The following ACACB variants were observed in gnomAD, a reference collection of about 807,000 sequenced individuals.
ACACB encodes the protein acetyl-CoA carboxylase 2.
A neutral mutation model predicts 278.8 loss-of-function variants in ACACB; 209 were observed. The observed-to-expected ratio is 0.75, with a 90% confidence interval of 0.67 to 0.84. The LOEUF (loss-of-function observed/expected upper bound fraction) is 0.84. Among genes scored for constraint, ACACB ranks in the 40% least tolerant of loss-of-function variants. ACACB has a pLI of 0.00. For synonymous variants in ACACB, 1,174 were observed against 1,285.6 expected (o/e 0.91, Z 1.86); for missense variants, 2,850 against 3,269.0 (o/e 0.87, Z 3.13).
At chr12:109,258,150 T>C (rs1482779689) in intron 45 of ACACB, 118 bp from the exon 46 acceptor site, 1 of 705,704 alleles carries the variant, frequency 1.4e-6, no homozygotes, top group Non-Finnish European at 2.3e-6. Context: ...TCCAATAAAA[T>C]AATCCGCCAG....
At chr12:109,221,329 G>A (rs1029116563) in intron 24 of ACACB, among the ~76,000 whole-genome samples, 1 of 152,190 alleles carries the variant, frequency 6.6e-6, no homozygotes, top group South Asian at 2.1e-4. Context: ...GTGGATGCCC[G>A]GGGTGGGGAA....
Position 109,172,915 on chromosome 12 carries a change from C to T in ACACB, c.1117+559C>T, listed in dbSNP as rs117815009. On this transcript the variant is annotated intron_variant, in intron 6 of 52. Coordinates refer to ENST00000338432, the MANE Select transcript of ACACB (RefSeq NM_001093.4). The stretch of plus-strand genomic sequence containing the variant: ...CACAGTAGCAAAGGCATGGAGTCAA[C>T]CTAAATGCCCATCAATAACAGATTG... 6.4e-3 allele frequency among the ~76,000 whole-genome samples: 970 copies of T among 152,276 alleles called. 7 individuals are homozygous for T. Among genetic ancestry groups the T allele is most frequent in the Admixed American group, 0.011 (167 of 15,286 alleles).
At chr12:109,178,643 C>T (rs1285293386) in intron 9 of ACACB, among the ~76,000 whole-genome samples, 4 of 152,178 alleles carry the variant, frequency 2.6e-5, no homozygotes, top group Non-Finnish European at 5.9e-5. Flanking sequence ...TTTACCAAGA[C>T]AGCTGTAGGT....
intron 2 of ACACB, among the ~76,000 whole-genome samples, chr12:109,154,166 C>T (rs1280455426): frequency 6.6e-6 from 1 of 152,200 alleles, no homozygotes; most frequent in Non-Finnish European, 1.5e-5. Flanking sequence ...TTCGGATCAC[C>T]GGGCTGCTGG....
In ACACB at chr12:109,260,546, C is replaced by T; in HGVS notation, c.6563C>T (p.Pro2188Leu). 1.2e-6 allele frequency: 2 copies of T among 1,614,246 alleles called. No homozygotes were observed. The highest frequency in any genetic ancestry group is 2.2e-5 in the South Asian group (2 of 91,080). Reference protein sequence around the residue: ...IVDGLRQYKQPILIYIPPYAE... With the variant: ...IVDGLRQYKQLILIYIPPYAE... ...GACGGCCTTAGACAATACAAACAGC[C>T]CATCCTGATCTATATCCCGCCCTAT... The change falls in exon 48 of 53, where the codon CCC (proline) becomes CTC (leucine). Residue 2188 changes from proline to leucine, a missense_variant. This residue lies in a region of ACACB where 579 missense variants were observed against 684.6 expected (regional missense o/e 0.85). Coordinates refer to ENST00000338432, the MANE Select transcript of ACACB (RefSeq NM_001093.4).
intron 1 of ACACB, among the ~76,000 whole-genome samples, chr12:109,133,423 G>T (rs898689751): frequency 3.3e-5 from 5 of 152,020 alleles, no homozygotes; most frequent in East Asian, 3.9e-4. Flanking sequence ...TGGAGACGGG[G>T]TTTCGCCATG....
Position 109,161,282 on chromosome 12 carries a change from G to A in ACACB, c.654-5579G>A, listed in dbSNP as rs139646877. ...AAGGAGTCCAGTTGTGGGGTCTCAC[G>A]CCTGTAATCCCAGCACTTTGGGAGG... On this transcript the variant is annotated intron_variant, in intron 2 of 52. Coordinates refer to ENST00000338432, the MANE Select transcript of ACACB (RefSeq NM_001093.4). Among the ~76,000 whole-genome samples, 547 of 152,250 alleles carry A rather than the reference G, an allele frequency of 3.6e-3. 3 individuals are homozygous for A. Among genetic ancestry groups the A allele is most frequent in the Non-Finnish European group, 5.6e-3 (380 of 68,006 alleles).
chr12:109,166,893 G>T lies in ACACB; in HGVS notation c.686G>T (p.Arg229Met). Residue 229 changes from arginine (R) to methionine (M), a missense_variant, in exon 3 of 53, where the codon AGG (arginine) becomes ATG (methionine). By Grantham distance (91) the Arg-to-Met change is moderately conservative (BLOSUM62 -1). Coordinates refer to ENST00000338432, the MANE Select transcript of ACACB (RefSeq NM_001093.4). ...PSMSGLHLVK[R>M]GREHKKLDLH... ...ATGTCGGGACTCCACCTGGTGAAGAGGGGACGGGAACACAAGAAGCTGGAC... is the reference window on the plus strand; with the variant it reads ...ATGTCGGGACTCCACCTGGTGAAGATGGGACGGGAACACAAGAAGCTGGAC... The T allele has an allele frequency of 1.9e-6, 3 of 1,614,076 alleles. No homozygotes were observed. Among genetic ancestry groups the T allele is most frequent in the Non-Finnish European group, 2.5e-6 (3 of 1,180,030 alleles).
In ACACB at chr12:109,174,122, G is replaced by A. The variant is rs377472129; in HGVS notation, c.1118-10G>A. The A allele has an allele frequency of 5.0e-6, 8 of 1,605,462 alleles. No homozygotes were observed. Among genetic ancestry groups the A allele is most frequent in the Non-Finnish European group, 6.8e-6 (8 of 1,176,276 alleles). On this transcript the variant is annotated splice_polypyrimidine_tract_variant and intron_variant, in intron 6 of 52. Coordinates refer to ENST00000338432, the MANE Select transcript of ACACB (RefSeq NM_001093.4). ...GGATTCTGCTTCCCTTCTTGTCCCC[G>A]ATTCCTCAGGCCCTCCCAGTGAGGC...
intron 39 of ACACB, among the ~76,000 whole-genome samples, chr12:109,246,893 A>G (rs2046962641): frequency 6.6e-6 from 1 of 152,188 alleles, no homozygotes; most frequent in African/African-American, 2.4e-5. Context: ...CCTAGGCAGC[A>G]TAGCCAGACT....
chr12:109,240,936 T>C, intron 35 of ACACB, 142 bp from the exon 36 acceptor site: 1 of 739,306 alleles, frequency 1.4e-6, no homozygotes, highest in South Asian at 1.8e-5. Flanking sequence ...TTGTTATTAG[T>C]TAATACTTTT....
At chr12:109,179,038 C>G (rs201044614) in intron 9 of ACACB, 50 bp from the exon 10 acceptor site, 1 of 1,562,462 alleles carries the variant, frequency 6.4e-7, no homozygotes, top group East Asian at 2.3e-5. Flanking sequence ...CCAGAAGCTT[C>G]CAGAGCTGGT....
At chr12:109,155,782 A>G (rs2043515382) in intron 2 of ACACB, among the ~76,000 whole-genome samples, 1 of 152,198 alleles carries the variant, frequency 6.6e-6, no homozygotes, top group African/African-American at 2.4e-5. Context: ...AAAAAAAATC[A>G]AAAGAAGATT....
intron 1 of ACACB, among the ~76,000 whole-genome samples, chr12:109,131,591 CCT>C (rs2042829008): frequency 1.3e-5 from 2 of 152,168 alleles, no homozygotes; most frequent in South Asian, 4.2e-4. Context: ...AAAACAGACT[CCT>C]GACTCCCGTC....
At chr12:109,256,265 C>T in intron 45 of ACACB, 29 bp downstream of exon 45, 1 of 1,593,632 alleles carries the variant, frequency 6.3e-7, no homozygotes, top group Non-Finnish European at 8.6e-7. Flanking sequence ...GCAGGCTGCC[C>T]ATGTCTGACT....
rs2045613894 is a variant in ACACB at position 109,209,346 on chromosome 12, G to A, written c.3242G>A (p.Ser1081Asn). 6.2e-7 allele frequency: 1 copy of A among 1,609,198 alleles called. No homozygotes were observed. Among genetic ancestry groups the A allele is most frequent in the Non-Finnish European group, 8.5e-7 (1 of 1,178,024 alleles). ...NITSVLCQFPSQQIATILDCH... is the reference protein window; with the variant it reads ...NITSVLCQFPNQQIATILDCH... ...ACCTCGGTGCTGTGCCAGTTCCCCAGCCAGCAGGTGCGTGCTCCCCTGCCC... is the reference window on the plus strand; with the variant it reads ...ACCTCGGTGCTGTGCCAGTTCCCCAACCAGCAGGTGCGTGCTCCCCTGCCC... The change falls in exon 21 of 53, where the codon AGC becomes AAC. Residue 1081 changes from serine to asparagine, a missense_variant. Around this residue, in one of 3 missense-constraint regions of ACACB, gnomAD observed 2,265 missense variants for 2,561.3 expected, o/e 0.88. Transcript: ENST00000338432.
intron 19 of ACACB, among the ~76,000 whole-genome samples, chr12:109,204,394 C>T (rs1194971208): frequency 6.6e-6 from 1 of 150,946 alleles, no homozygotes; most frequent in Non-Finnish European, 1.5e-5. Flanking sequence ...CGTGCCTCAG[C>T]CTCCTGAGTA....
chr12:109,158,988 C>T (rs200941828), intron 2 of ACACB, among the ~76,000 whole-genome samples: 1 of 140,704 alleles, frequency 7.1e-6, no homozygotes, highest in Non-Finnish European at 1.6e-5. Flanking sequence ...ACAAACGAAA[C>T]AAAACAAAAA....
At chr12:109,152,640 C>CTTTCTTTTT (rs1292930727) in intron 2 of ACACB, among the ~76,000 whole-genome samples, 9 of 74,870 alleles carry the variant, frequency 1.2e-4, no homozygotes, top group African/African-American at 2.4e-4. Flanking sequence ...TTCTTTCTTT[C>CTTTCTTTTT]TTTTTTTTTT....
Sources: gnomAD v4.1 joint callset for allele counts (sites outside exome capture counted in the v4.1 genomes callset) on GRCh38, gnomAD v4.1.1 for gene constraint, gnomAD v4.1.1 regional missense constraint, MANE v1.5 for transcripts, NCBI Gene and HGNC (gene_info 2026-07-23, HGNC 2026-07-21) for gene names.